TEAD1: variants seen among roughly 807,000 people sequenced by gnomAD.
The protein encoded by TEAD1 is TEA domain transcription factor 1, also known as transcriptional enhancer factor TEF-1.
TEAD1 carries 9 observed loss-of-function variants against 54.9 expected under a neutral mutation model. The observed-to-expected ratio is 0.16, with a 90% CI of 0.10 to 0.29. The LOEUF (loss-of-function observed/expected upper bound fraction) is 0.29, where lower values mean the gene tolerates loss of function less well. TEAD1 is among the 10% of genes least tolerant of loss of function. TEAD1 has a pLI of 1.00. For synonymous variants in TEAD1, 200 were observed against 187.8 expected, an observed-to-expected ratio of 1.07 and a Z score of -0.53; for missense variants, 387 against 535.9, an observed-to-expected ratio of 0.72 and a Z score of 2.74.
chr11:12,855,250 G>T (rs1376148089), intron 3 of TEAD1, among the ~76,000 whole-genome samples: 10 of 152,110 alleles, frequency 6.6e-5, no homozygotes, highest in African/African-American at 2.4e-4. Flanking sequence ...CTTTTTGGTT[G>T]TTGGCTTGCT....
intron 12 of TEAD1, among the ~76,000 whole-genome samples, chr11:12,932,315 C>T (rs189860974): frequency 2.0e-5 from 3 of 152,226 alleles, no homozygotes; most frequent in African/African-American, 7.2e-5. Flanking sequence ...ATCACTTTAG[C>T]AGTCAGACGA....
At chr11:12,789,805 C>T (rs1945758030) in intron 3 of TEAD1, among the ~76,000 whole-genome samples, 1 of 152,252 alleles carries the variant, frequency 6.6e-6, no homozygotes, top group South Asian at 2.1e-4. Context: ...CCTGTGGAGG[C>T]ATTGCTCCGA....
chr11:12,893,275 A>G (rs1407638423), intron 9 of TEAD1, among the ~76,000 whole-genome samples: 1 of 152,028 alleles, frequency 6.6e-6, no homozygotes. Flanking sequence ...TTCCAGCAGG[A>G]CGTAGGAGAT....
At chr11:12,709,286 T>G (rs2133849232) in intron 2 of TEAD1, among the ~76,000 whole-genome samples, 1 of 151,826 alleles carries the variant, frequency 6.6e-6, no homozygotes, top group East Asian at 1.9e-4. Context: ...CGCAGTGAGC[T>G]GAGATTGCAC....
chr11:12,942,806 C>T lies in TEAD1; in HGVS notation c.*5584C>T, dbSNP rs1386075886. Reference sequence around the variant, plus strand: ...CCGAGTATTGTGTATGAATGTGCTACGAGAAACTTCCAAAGAGCACCATTC... The same window carrying T: ...CCGAGTATTGTGTATGAATGTGCTATGAGAAACTTCCAAAGAGCACCATTC... On this transcript the variant is annotated 3_prime_UTR_variant, in exon 13 of 13. Transcript: ENST00000527636. 3 of 152,114 alleles carry T rather than the reference C, an allele frequency of 2.0e-5. No homozygotes were observed. Among genetic ancestry groups the T allele is most frequent in the East Asian group, 1.9e-4 (1 of 5,186 alleles). 9.4% of individuals were successfully genotyped at this position (152,114 alleles called of 1,614,324 possible).
intron 2 of TEAD1, among the ~76,000 whole-genome samples, chr11:12,679,617 A>G (rs1186684655): frequency 6.6e-6 from 1 of 152,138 alleles, no homozygotes; most frequent in Non-Finnish European, 1.5e-5. Flanking sequence ...TCTGGCATGA[A>G]CTTTTTTAAA....
chr11:12,900,089 CTT>C (rs1267501683), intron 9 of TEAD1, among the ~76,000 whole-genome samples: 1 of 152,174 alleles, frequency 6.6e-6, no homozygotes, highest in African/African-American at 2.4e-5. Flanking sequence ...GAGACAAGGT[CTT>C]ACTGTGTTGC....
intron 9 of TEAD1, among the ~76,000 whole-genome samples, chr11:12,896,324 G>A (rs1198211793): frequency 1.3e-5 from 2 of 152,136 alleles, no homozygotes; most frequent in African/African-American, 4.8e-5. Context: ...TGGACTGGTT[G>A]CTGACCTGGC....
intron 10 of TEAD1, among the ~76,000 whole-genome samples, chr11:12,917,550 G>T (rs1948737304): frequency 6.6e-6 from 1 of 152,214 alleles, no homozygotes; most frequent in East Asian, 1.9e-4. Context: ...TAGAGATGGG[G>T]TCTTGCTGTG....
chr11:12,880,444 A>G (rs1310192547), intron 6 of TEAD1, among the ~76,000 whole-genome samples: 1 of 152,206 alleles, frequency 6.6e-6, no homozygotes, highest in African/African-American at 2.4e-5. Flanking sequence ...AGTGATGTCA[A>G]GAATCAGCCC....
intron 11 of TEAD1, among the ~76,000 whole-genome samples, chr11:12,928,556 T>C (rs1236432095): frequency 3.9e-5 from 6 of 152,104 alleles, no homozygotes. Flanking sequence ...AGGTGTGAGC[T>C]GTCACACCCA....
In TEAD1 at chr11:12,922,236, G is replaced by A. The variant is rs1300954026; in HGVS notation, c.874-2676G>A. On this transcript the variant is annotated intron_variant, in intron 10 of 12. Transcript: ENST00000527636. The stretch of plus-strand genomic sequence containing the variant: ...TTTTGAGACGGAGTCTCGCTCTGTC[G>A]CCCAGGCTGGAGTGCAGTGGCGGGA... Among the ~76,000 whole-genome samples the A allele has an allele frequency of 1.0e-4, 10 of 100,082 alleles. 2 individuals carry two copies. The highest frequency in any genetic ancestry group is 2.8e-4 in the African/African-American group (7 of 24,756). The allele number at this position is 100,082 out of a possible 152,430, so 65.7% of individuals were successfully genotyped here.
rs1340543644 is a variant in TEAD1, at chr11:12,937,620, T to G, written c.*398T>G. The G allele has an allele frequency of 6.5e-6, 1 of 154,976 alleles. No individual in the cohort carries two copies. Among genetic ancestry groups the G allele is most frequent in the African/African-American group, 2.4e-5 (1 of 41,470 alleles). 9.6% of individuals were successfully genotyped at this position (154,976 alleles called of 1,614,324 possible). On this transcript the variant is annotated 3_prime_UTR_variant, in exon 13 of 13. Transcript: ENST00000527636. ...ATTTACAGCCTTTATACAAATGTAT[T>G]TAGTTCTCTTTTTTCCAACATAAAA...
intron 3 of TEAD1, among the ~76,000 whole-genome samples, chr11:12,802,533 A>G (rs1946080363): frequency 6.6e-6 from 1 of 151,936 alleles, no homozygotes. Context: ...GTTTGACAAA[A>G]CACTATTTAG....
intron 11 of TEAD1, among the ~76,000 whole-genome samples, chr11:12,925,810 G>A (rs1024738973): frequency 1.3e-5 from 2 of 152,202 alleles, no homozygotes; most frequent in Admixed American, 6.5e-5. Context: ...TAGACGTCAA[G>A]GTGGTACTCA....
intron 2 of TEAD1, among the ~76,000 whole-genome samples, chr11:12,705,946 G>A (rs1388930422): frequency 6.6e-6 from 1 of 152,186 alleles, no homozygotes; most frequent in Non-Finnish European, 1.5e-5. Flanking sequence ...AATATAGTGT[G>A]ATTACCCTCG....
At position 12,902,019 on chromosome 11, in the gene TEAD1, G is replaced by T; in HGVS notation, c.779G>T (p.Arg260Leu). The T allele has an allele frequency of 6.2e-7, 1 of 1,614,194 alleles. No homozygotes were observed. Among genetic ancestry groups the T allele is most frequent in the Non-Finnish European group, 8.5e-7 (1 of 1,180,040 alleles). ...CCATTGCTTGAATCAGTGGACATTCGTCAGATTTATGACAAATTTCCTGAA... is the reference window on the plus strand; with the variant it reads ...CCATTGCTTGAATCAGTGGACATTCTTCAGATTTATGACAAATTTCCTGAA... The change falls in exon 10 of 13, where the codon CGT becomes CTT. Residue 260 changes from arginine (R) to leucine (L), a missense_variant. Physicochemically the swap from Arg to Leu is moderately radical, Grantham distance 102 (BLOSUM62 -2). Coordinates refer to ENST00000527636, the MANE Select transcript of TEAD1 (RefSeq NM_021961.6).
intron 3 of TEAD1, among the ~76,000 whole-genome samples, chr11:12,825,297 C>G (rs754991014): frequency 6.6e-6 from 1 of 152,176 alleles, no homozygotes; most frequent in Non-Finnish European, 1.5e-5. Context: ...TCTTTATTTT[C>G]AGATGAATTG....
At chr11:12,785,875 A>G (rs1945666732) in intron 3 of TEAD1, among the ~76,000 whole-genome samples, 1 of 152,228 alleles carries the variant, frequency 6.6e-6, no homozygotes, top group Admixed American at 6.5e-5. Flanking sequence ...TGGGTATGTC[A>G]TAATTTACTA....
Sources: gnomAD v4.1 joint callset for allele counts (sites outside exome capture counted in the v4.1 genomes callset) on GRCh38, gnomAD v4.1.1 for gene constraint, MANE v1.5 for transcripts, NCBI Gene and HGNC (gene_info 2026-07-23, HGNC 2026-07-21) for gene names.